RNF20: variants seen among roughly 807,000 people sequenced by gnomAD.
RNF20 encodes the protein ring finger protein 20, also known as E3 ubiquitin-protein ligase BRE1A.
RNF20 carries 84 observed loss-of-function variants against 126.2 expected under a neutral mutation model. The observed-to-expected ratio is 0.67, with a 90% CI of 0.56 to 0.80. RNF20 has a LOEUF of 0.80. Ranked by LOEUF, RNF20 falls within the 30% of genes least tolerant of loss-of-function variation. RNF20 has a pLI of 0.00. For synonymous variants in RNF20, 400 were observed against 414.3 expected (o/e 0.97, Z 0.42); for missense variants, 869 against 1,188.2 (o/e 0.73, Z 3.95).
intron 16 of RNF20, among the ~76,000 whole-genome samples, chr9:101,558,231 C>T (rs1378368965): frequency 6.6e-6 from 1 of 152,008 alleles, no homozygotes; most frequent in Admixed American, 6.6e-5. Flanking sequence ...TATGCCTTTG[C>T]GTCCTCACAG....
At chr9:101,546,442 G>T (rs543115977) in intron 6 of RNF20, among the ~76,000 whole-genome samples, 2 of 151,964 alleles carry the variant, frequency 1.3e-5, no homozygotes, top group South Asian at 4.2e-4. Context: ...GGGTAAAAAT[G>T]GTTTTTTTGA....
intron 19 of RNF20, 70 bp downstream of exon 19, chr9:101,562,081 A>G: frequency 5.3e-6 from 7 of 1,326,804 alleles, no homozygotes; most frequent in Non-Finnish European, 7.4e-6. Flanking sequence ...TGGGAGAATA[A>G]TTTGCATGAT....
At chr9:101,559,969 G>T (rs911310301) in intron 16 of RNF20, among the ~76,000 whole-genome samples, 1 of 152,098 alleles carries the variant, frequency 6.6e-6, no homozygotes, top group Non-Finnish European at 1.5e-5. Flanking sequence ...TGGCATCTGT[G>T]TCTTGTTCCA....
At chr9:101,553,417 T>C (rs1057029464) in intron 13 of RNF20, among the ~76,000 whole-genome samples, 6 of 152,226 alleles carry the variant, frequency 3.9e-5, no homozygotes, top group African/African-American at 1.4e-4. Flanking sequence ...GCTTGAACTC[T>C]TTTGGTATAT....
intron 5 of RNF20, among the ~76,000 whole-genome samples, chr9:101,541,679 T>C (rs1827262388): frequency 6.6e-6 from 1 of 152,234 alleles, no homozygotes; most frequent in African/African-American, 2.4e-5. Flanking sequence ...AATTATTAGT[T>C]ACAGAATTTT....
intron 2 of RNF20, among the ~76,000 whole-genome samples, chr9:101,536,662 C>G (rs894725955): frequency 2.6e-5 from 4 of 152,070 alleles, no homozygotes; most frequent in African/African-American, 4.8e-5. Context: ...GAAGACAGCC[C>G]CTAGACTTTA....
At chr9:101,554,920 C>T in intron 15 of RNF20, 77 bp downstream of exon 15, 1 of 1,226,558 alleles carries the variant, frequency 8.2e-7, no homozygotes, top group Non-Finnish European at 1.1e-6. Context: ...GTGAAATTTG[C>T]TTTTTTATTT....
At chr9:101,537,283 T>C (rs36004060) in intron 2 of RNF20, among the ~76,000 whole-genome samples, 22,149 of 152,120 alleles carry the variant, frequency 0.15, 1,768 homozygotes, top group East Asian at 0.23. Context: ...TGCTGATGGA[T>C]TGGATAACTC....
intron 1 of RNF20, among the ~76,000 whole-genome samples, chr9:101,534,606 C>T (rs1168749497): frequency 6.6e-6 from 1 of 152,144 alleles, no homozygotes; most frequent in Non-Finnish European, 1.5e-5. Flanking sequence ...GAAGTATATA[C>T]TGTGGTTATT....
At chr9:101,560,681 A>T (rs1827611832) in intron 16 of RNF20, 120 bp from the exon 17 acceptor site, 2 of 958,200 alleles carry the variant, frequency 2.1e-6, no homozygotes, top group South Asian at 3.9e-5. Flanking sequence ...CATGGGCAAA[A>T]TCAGTAATAG....
intron 15 of RNF20, among the ~76,000 whole-genome samples, chr9:101,556,853 G>T (rs1827544203): frequency 6.6e-6 from 1 of 152,136 alleles, no homozygotes; most frequent in Non-Finnish European, 1.5e-5. Flanking sequence ...TCCAGTGGAA[G>T]AATAGGCAAA....
intron 9 of RNF20, among the ~76,000 whole-genome samples, chr9:101,548,864 C>T (rs1588220926): frequency 6.6e-6 from 1 of 152,158 alleles, no homozygotes; most frequent in East Asian, 1.9e-4. Flanking sequence ...TTGCAGGGGG[C>T]ATATATATAC....
chr9:101,557,323 G>A (rs1273502983), intron 15 of RNF20, 61 bp from the exon 16 acceptor site: 7 of 1,263,794 alleles, frequency 5.5e-6, no homozygotes, highest in Admixed American at 3.6e-5. Context: ...TTAGTTTCCT[G>A]TGCTCTTCCA....
chr9:101,536,711 G>C (rs1198579702), intron 2 of RNF20, among the ~76,000 whole-genome samples: 1 of 152,174 alleles, frequency 6.6e-6, no homozygotes, highest in African/African-American at 2.4e-5. Flanking sequence ...AGACTGTTTA[G>C]AGTGGGGTAT....
intron 1 of RNF20, among the ~76,000 whole-genome samples, chr9:101,534,914 T>C (rs970426704): frequency 2.0e-5 from 3 of 151,454 alleles, no homozygotes; most frequent in African/African-American, 7.3e-5. Context: ...ACTTTCTTTT[T>C]TTTTTTTTTT....
intron 15 of RNF20, among the ~76,000 whole-genome samples, chr9:101,555,389 G>C (rs200571347): frequency 4.6e-5 from 7 of 151,770 alleles, no homozygotes; most frequent in Non-Finnish European, 8.8e-5. Flanking sequence ...TGGCTATTTT[G>C]GGGTCATAGA....
chr9:101,544,821 A>C lies in RNF20; in HGVS notation c.683A>C (p.Glu228Ala). ...VQELNSFLAQ[E>A]NMRLQELTDL... is the part of the protein sequence containing the mutation. ...GAGCTGAACTCTTTCCTCGCACAGG[A>C]GAATATGAGGCTACAGGAATTGACA... Residue 228 changes from glutamate (E) to alanine (A), a missense_variant, in exon 6 of 20, where the codon GAG becomes GCG. Glu to Ala is a moderately radical substitution (Grantham distance 107). Around this residue, in one of 8 missense-constraint regions of RNF20, gnomAD observed 103 missense variants for 94.3 expected, o/e 1.09. Transcript: ENST00000389120. 1 of 1,613,962 alleles carries C rather than the reference A, an allele frequency of 6.2e-7. No homozygotes were observed. The highest frequency in any genetic ancestry group is 8.5e-7 in the Non-Finnish European group (1 of 1,179,836).
At chr9:101,557,625 C>T (rs1827554933) in intron 16 of RNF20, 29 bp downstream of exon 16, 1 of 1,515,856 alleles carries the variant, frequency 6.6e-7, no homozygotes, top group Non-Finnish European at 9.2e-7. Context: ...GCTTTCTATT[C>T]TGTTGAAATA....
At chr9:101,550,494 A>T (rs934920369) in intron 9 of RNF20, 112 bp from the exon 10 acceptor site, 1 of 845,736 alleles carries the variant, frequency 1.2e-6, no homozygotes, top group Admixed American at 2.3e-5. Context: ...AATAATCTTT[A>T]TAAAATTGTC....
Sources: allele counts gnomAD v4.1 joint callset (sites outside exome capture counted in the v4.1 genomes callset), GRCh38; gene constraint gnomAD v4.1.1; regional missense constraint gnomAD v4.1.1; transcripts MANE v1.5; gene names NCBI Gene and HGNC (gene_info 2026-07-23, HGNC 2026-07-21).